GBE1: variants seen among roughly 807,000 people sequenced by gnomAD.
The protein encoded by GBE1 is 1,4-alpha-glucan-branching enzyme.
Under a neutral mutation model 88.8 loss-of-function variants are expected in GBE1, and 70 were observed. The ratio of observed to expected loss-of-function variants is 0.79; its 90% confidence interval spans 0.65 to 0.96. The LOEUF (loss-of-function observed/expected upper bound fraction) is 0.96. Ranked by LOEUF, GBE1 falls within the 40% of genes least tolerant of loss-of-function variation. The pLI, the probability that GBE1 is intolerant of heterozygous loss-of-function variation, is 0.00. For missense variants in GBE1, 872 were observed against 871.0 expected (o/e 1.00, Z -0.01); for synonymous variants, 284 against 300.1 (o/e 0.95, Z 0.56).
At chr3:81,542,517 T>TTA (rs1281860631) in intron 12 of GBE1, among the ~76,000 whole-genome samples, 1 of 152,144 alleles carries the variant, frequency 6.6e-6, no homozygotes, top group Non-Finnish European at 1.5e-5. Flanking sequence ...AACACACAAA[T>TTA]TATATTTCTT....
chr3:81,670,796 G>T (rs770049536), intron 3 of GBE1, 42 bp downstream of exon 3: 1 of 1,079,358 alleles, frequency 9.3e-7, no homozygotes. Flanking sequence ...AAGATAAAAA[G>T]AAAATGATAA....
At position 81,591,028 on chromosome 3, in the gene GBE1, T is replaced by C. The variant is rs191616517; in HGVS notation, c.1236+9A>G. The C allele has an allele frequency of 1.2e-6, 2 of 1,604,120 alleles. No homozygotes were observed. The highest frequency in any genetic ancestry group is 4.5e-5 in the East Asian group (2 of 44,630). ...GGGGTCAGAAGGTAAGACTTCACTA[T>C]GGCTTTACCTCAGCTATTGTTATAG... On this transcript the variant is annotated intron_variant, in intron 9 of 15. Coordinates refer to ENST00000429644, the MANE Select transcript of GBE1 (RefSeq NM_000158.4).
In GBE1 at chr3:81,531,498, T is replaced by A. The variant is rs542807673; in HGVS notation, c.1934+3697A>T. Among the ~76,000 whole-genome samples, 13 of 152,112 alleles carry A rather than the reference T, an allele frequency of 8.5e-5. 1 individual carries two copies. In the South Asian group the frequency reaches 2.5e-3, roughly 29 times the overall value. ...CCTGTGGCAATTGCTACTTGGCTAC[T>A]GTTGATGTTTACTCAAGGTCCAAGT... is the stretch of plus-strand genomic sequence containing the variant. On this transcript the variant is annotated intron_variant, in intron 14 of 15. Coordinates refer to ENST00000429644, the MANE Select transcript of GBE1 (RefSeq NM_000158.4).
intron 6 of GBE1, 48 bp from the exon 7 acceptor site, chr3:81,643,038 G>C (rs1334823520): frequency 1.6e-6 from 2 of 1,248,014 alleles, no homozygotes; most frequent in Admixed American, 4.0e-5. Flanking sequence ...ACATTTAGAG[G>C]AAACAGCCGA....
At chr3:81,661,147 A>G (rs1705024221) in intron 3 of GBE1, among the ~76,000 whole-genome samples, 1 of 152,184 alleles carries the variant, frequency 6.6e-6, no homozygotes, top group African/African-American at 2.4e-5. Context: ...TTCTAAAAAA[A>G]ATGTGAGAAA....
At chr3:81,557,240 A>G (rs1703360505) in intron 12 of GBE1, among the ~76,000 whole-genome samples, 1 of 152,132 alleles carries the variant, frequency 6.6e-6, no homozygotes, top group Non-Finnish European at 1.5e-5. Flanking sequence ...GTAAAAAGTG[A>G]CATTATGCAT....
chr3:81,550,732 C>A (rs546160832), intron 12 of GBE1, among the ~76,000 whole-genome samples: 26 of 152,272 alleles, frequency 1.7e-4, no homozygotes, highest in African/African-American at 6.3e-4. Context: ...CGCCCACCAT[C>A]ACCATGACAG....
At chr3:81,722,965 C>T (rs1010011803) in intron 1 of GBE1, among the ~76,000 whole-genome samples, 7 of 149,114 alleles carry the variant, frequency 4.7e-5, no homozygotes, top group African/African-American at 1.7e-4. Flanking sequence ...TAATCTCATA[C>T]TTGCATACAT....
At chr3:81,759,637 C>T (rs540924508) in intron 1 of GBE1, among the ~76,000 whole-genome samples, 16 of 152,238 alleles carry the variant, frequency 1.1e-4, no homozygotes, top group African/African-American at 2.4e-4. Context: ...AAGTAAAATC[C>T]GGGTCAGAGT....
At chr3:81,644,716 T>C (rs564606951) in intron 6 of GBE1, among the ~76,000 whole-genome samples, 2 of 152,094 alleles carry the variant, frequency 1.3e-5, no homozygotes, top group South Asian at 4.2e-4. Flanking sequence ...AGAACAAAGG[T>C]AAGAGAAGGG....
At chr3:81,570,158 A>G (rs1396630707) in intron 12 of GBE1, among the ~76,000 whole-genome samples, 2 of 152,186 alleles carry the variant, frequency 1.3e-5, no homozygotes, top group Non-Finnish European at 1.5e-5. Flanking sequence ...TTTCAGACTA[A>G]AATATACGGT....
intron 2 of GBE1, among the ~76,000 whole-genome samples, chr3:81,694,219 CTGAA>C (rs1344664866): frequency 1.3e-5 from 2 of 149,566 alleles, no homozygotes; most frequent in African/African-American, 2.5e-5. Flanking sequence ...AACGAAGAAA[CTGAA>C]AGAGAGAAGG....
intron 7 of GBE1, among the ~76,000 whole-genome samples, chr3:81,629,028 T>TG (rs1323413575): frequency 6.9e-6 from 1 of 144,176 alleles, no homozygotes; most frequent in Non-Finnish European, 1.5e-5. Flanking sequence ...GTTTTTTTTT[T>TG]TTTTTTTTTT....
intron 2 of GBE1, among the ~76,000 whole-genome samples, chr3:81,700,355 T>C (rs978752062): frequency 6.6e-6 from 1 of 152,172 alleles, no homozygotes; most frequent in Admixed American, 6.6e-5. Flanking sequence ...ACTATGGTTA[T>C]GTACCAATTA....
At chr3:81,555,508 A>C (rs1376111142) in intron 12 of GBE1, among the ~76,000 whole-genome samples, 1 of 152,208 alleles carries the variant, frequency 6.6e-6, no homozygotes, top group East Asian at 1.9e-4. Context: ...AATTTTTGTC[A>C]TATCTAACAG....
At chr3:81,526,120 T>A (rs1018467980) in intron 14 of GBE1, among the ~76,000 whole-genome samples, 2 of 152,082 alleles carry the variant, frequency 1.3e-5, no homozygotes, top group Non-Finnish European at 2.9e-5. Flanking sequence ...TTAATTGTGA[T>A]GTTAGGGTGT....
chr3:81,628,783 A>ATATATG (rs1553687073), intron 7 of GBE1, among the ~76,000 whole-genome samples: 2 of 131,144 alleles, frequency 1.5e-5, no homozygotes, highest in African/African-American at 2.8e-5. Context: ...ATATATATAT[A>ATATATG]GCAACAGAGT....
intron 7 of GBE1, among the ~76,000 whole-genome samples, chr3:81,642,221 TA>T (rs1704692324): frequency 6.6e-6 from 1 of 152,022 alleles, no homozygotes; most frequent in Admixed American, 6.6e-5. Flanking sequence ...GCTATAACAA[TA>T]GTGTTTACCA....
intron 14 of GBE1, among the ~76,000 whole-genome samples, chr3:81,534,287 T>C (rs1441819066): frequency 1.3e-5 from 2 of 152,078 alleles, no homozygotes; most frequent in Non-Finnish European, 2.9e-5. Flanking sequence ...AAACTTACAA[T>C]GCCTAATATT....
Sources: gnomAD v4.1 joint callset for allele counts (sites outside exome capture counted in the v4.1 genomes callset) on GRCh38, gnomAD v4.1.1 for gene constraint, MANE v1.5 for transcripts, NCBI Gene and HGNC (gene_info 2026-07-23, HGNC 2026-07-21) for gene names.